Variants in LSP1 observed in about 807,000 individuals in gnomAD.
LSP1 encodes the protein lymphocyte-specific protein 1.
In LSP1, 32 loss-of-function variants were observed where a neutral mutation model predicts 49.3. That is an observed-to-expected ratio of 0.65 (90% CI 0.49 to 0.87). LSP1 has a LOEUF of 0.87. Ranked by LOEUF, LSP1 falls within the 40% of genes least tolerant of loss-of-function variation. LSP1 has a pLI of 0.00. For missense variants in LSP1, 428 were observed against 442.6 expected (o/e 0.97, Z 0.30); for synonymous variants, 179 against 178.8 (o/e 1.00, Z -0.01).
At chr11:1,882,691 T>G (rs761926201) in intron 3 of LSP1, among the ~76,000 whole-genome samples, 1 of 152,206 alleles carries the variant, frequency 6.6e-6, no homozygotes, top group East Asian at 1.9e-4. Flanking sequence ...CCTGCCTGGC[T>G]GCACAGACCT....
At chr11:1,879,974 C>A in intron 1 of LSP1, 113 bp from the exon 2 acceptor site, 1 of 1,316,284 alleles carries the variant, frequency 7.6e-7, no homozygotes, top group Non-Finnish European at 1.1e-6. Context: ...ACCTCGTGGA[C>A]AGGGCTGCCT....
At chr11:1,857,396 G>T (rs1847516392) in intron 1 of LSP1, among the ~76,000 whole-genome samples, 1 of 152,210 alleles carries the variant, frequency 6.6e-6, no homozygotes, top group Admixed American at 6.5e-5. Context: ...CTACGGGCCA[G>T]CCTGTCTCCA....
Position 1,884,113 on chromosome 11 carries a change from C to A in LSP1, c.591+89C>A. 1 of 1,463,662 alleles carries A rather than the reference C, an allele frequency of 6.8e-7. No homozygotes were observed. Among genetic ancestry groups the A allele is most frequent in the Non-Finnish European group, 9.5e-7 (1 of 1,055,998 alleles). 90.7% of individuals were successfully genotyped at this position (1,463,662 alleles called of 1,614,324 possible). ...TCCCACATGCCAGCCACAGGAAGACCAGGCCCAGGCCTGGCTTTTGTCTGC... is the reference window on the plus strand; with the variant it reads ...TCCCACATGCCAGCCACAGGAAGACAAGGCCCAGGCCTGGCTTTTGTCTGC... On this transcript the variant is annotated intron_variant, in intron 5 of 10. Coordinates refer to ENST00000311604, the MANE Select transcript of LSP1 (RefSeq NM_002339.3). The surrounding 1 kb of genome is among the most constrained non-coding windows in gnomAD (Gnocchi z 4.1).
chr11:1,883,223 G>C (rs1228563538), intron 3 of LSP1, among the ~76,000 whole-genome samples, 196 bp from the exon 4 acceptor site: 1 of 152,258 alleles, frequency 6.6e-6, no homozygotes, highest in Non-Finnish European at 1.5e-5. Flanking sequence ...CTGACACAGG[G>C]GCCCAAGCAG....
chr11:1,863,903 G>A (rs1847707486), intron 1 of LSP1, among the ~76,000 whole-genome samples: 2 of 152,170 alleles, frequency 1.3e-5, no homozygotes, highest in African/African-American at 2.4e-5. Flanking sequence ...CAGTCTGGCT[G>A]GGGGGTTGGG....
intron 1 of LSP1, among the ~76,000 whole-genome samples, chr11:1,860,418 C>T (rs897569549): frequency 6.6e-6 from 1 of 151,700 alleles, no homozygotes; most frequent in Non-Finnish European, 1.5e-5. Flanking sequence ...TGGATGGACT[C>T]ATGTATAAAT....
intron 1 of LSP1, chr11:1,863,152 C>A (rs1196274919): frequency 6.8e-6 from 1 of 147,578 alleles, no homozygotes; most frequent in Non-Finnish European, 1.5e-5. Flanking sequence ...GTCACCACAG[C>A]CCGGTCTATG....
rs1460816798 is a variant in LSP1 at position 1,873,901 on chromosome 11, A to AGAGGAGGGAGGCCGGCG, written c.54-6169_54-6153dup. Among the ~76,000 whole-genome samples the AGAGGAGGGAGGCCGGCG allele has an allele frequency of 9.0e-5, 11 of 122,796 alleles. 1 individual carries two copies. The highest frequency in any genetic ancestry group is 3.1e-4 in the African/African-American group (9 of 28,938). 80.6% of individuals were successfully genotyped at this position (122,796 alleles called of 152,430 possible). On this transcript the variant is annotated intron_variant, in intron 1 of 10. Coordinates refer to ENST00000311604, the MANE Select transcript of LSP1 (RefSeq NM_002339.3). ...AGGCTGGCAGAGCAGGGAGCCCGGC[A>AGAGGAGGGAGGCCGGCG]GAGGAGGGAGGCCGGCGGAGGAGGG...
chr11:1,866,731 G>C (rs1460940380), intron 1 of LSP1: 1 of 1,550,420 alleles, frequency 6.4e-7, no homozygotes, highest in Non-Finnish European at 8.7e-7. Flanking sequence ...TTTGAGGAGT[G>C]CCTGGGGTCA....
intron 1 of LSP1, among the ~76,000 whole-genome samples, chr11:1,875,752 G>C (rs978600309): frequency 6.6e-6 from 1 of 152,170 alleles, no homozygotes; most frequent in South Asian, 2.1e-4. Context: ...AGCACCAGGC[G>C]TTGGGGGGCA....
chr11:1,861,110 A>C (rs1157424007), intron 1 of LSP1, among the ~76,000 whole-genome samples: 3 of 152,240 alleles, frequency 2.0e-5, no homozygotes, highest in African/African-American at 7.2e-5. Context: ...ACTCTCTTCC[A>C]GGAACACTTC....
chr11:1,872,189 CGTGGGCACCTTTGGGACGGGGTGTGTG>C (rs1848053836), intron 1 of LSP1, among the ~76,000 whole-genome samples: 35 of 108,628 alleles, frequency 3.2e-4, no homozygotes, highest in Admixed American at 8.0e-4. Context: ...GTCCGGCTGG[CGTGGGCACCTTTGGGACGGGGTGTGTG>C]TGGTGGGCAG....
At chr11:1,858,966 C>T (rs1288017063) in intron 1 of LSP1, among the ~76,000 whole-genome samples, 1 of 152,216 alleles carries the variant, frequency 6.6e-6, no homozygotes, top group Non-Finnish European at 1.5e-5. Flanking sequence ...ACTCCATCTG[C>T]TAACTGCCTC....
intron 1 of LSP1, among the ~76,000 whole-genome samples, chr11:1,854,657 C>A (rs1031610080): frequency 1.3e-5 from 2 of 151,980 alleles, no homozygotes; most frequent in Non-Finnish European, 2.9e-5. Context: ...TCGGGACGTC[C>A]GTGCCTGTCC....
At chr11:1,890,286 C>T (rs565685871) in intron 10 of LSP1, 22 of 710,958 alleles carry the variant, frequency 3.1e-5, no homozygotes, top group African/African-American at 2.5e-4. Context: ...CTCGGCGGGG[C>T]GTGGGGCTTC....
intron 1 of LSP1, chr11:1,863,653 G>T (rs1181182682): frequency 1.3e-5 from 2 of 152,282 alleles, no homozygotes; most frequent in East Asian, 1.9e-4. Context: ...CCCCTCGTCC[G>T]TCCGGCCACT....
rs545676979 is a variant in LSP1 at position 1,878,235 on chromosome 11, G to A, written c.54-1852G>A. Among the ~76,000 whole-genome samples the A allele has an allele frequency of 9.4e-5, 14 of 149,380 alleles. 1 individual carries two copies. The East Asian group carries it at 2.7e-3, about 29-fold the overall frequency. On this transcript the variant is annotated intron_variant, in intron 1 of 10. Coordinates refer to ENST00000311604, the MANE Select transcript of LSP1 (RefSeq NM_002339.3). Reference sequence around the variant, plus strand: ...CCTCCTCAACACTCTGCCCCAGCCTGCGCCGCCCTCTGTGTGGAGGGGCTG... The same window carrying A: ...CCTCCTCAACACTCTGCCCCAGCCTACGCCGCCCTCTGTGTGGAGGGGCTG...
At position 1,871,114 on chromosome 11, in the gene LSP1, G is replaced by A. The variant is rs1284906483; in HGVS notation, c.54-8973G>A. The A allele has an allele frequency of 6.1e-6, 6 of 985,422 alleles. No homozygotes were observed. In the African/African-American group the frequency reaches 1.0e-4, roughly 17 times the overall value. The allele number at this position is 985,422 out of a possible 1,614,324, so 61.0% of individuals were successfully genotyped here. A position where few individuals can be genotyped will look rare whatever the true frequency, so the allele number is the denominator to read the frequency against. ...GCGAGGGCCCCAGAAAGGTCCCGCA[G>A]GTCGCCTCGCTCGTGGCACGGGCTC... On this transcript the variant is annotated intron_variant, in intron 1 of 10. Coordinates refer to ENST00000311604, the MANE Select transcript of LSP1 (RefSeq NM_002339.3).
At chr11:1,860,825 A>T (rs190333111) in intron 1 of LSP1, among the ~76,000 whole-genome samples, 13 of 122,056 alleles carry the variant, frequency 1.1e-4, no homozygotes, top group Admixed American at 1.0e-3. Context: ...GTATTGATGG[A>T]AGGACACATG....
Sources: gnomAD v4.1 joint callset for allele counts (sites outside exome capture counted in the v4.1 genomes callset) on GRCh38, gnomAD v4.1.1 for gene constraint, Gnocchi (gnomAD v3.1) non-coding constraint, MANE v1.5 for transcripts, NCBI Gene and HGNC (gene_info 2026-07-23, HGNC 2026-07-21) for gene names.